Variants in NEK4 observed in about 807,000 individuals in gnomAD.
The protein encoded by NEK4 is NIMA related kinase 4.
NEK4 carries 86 observed loss-of-function variants against 98.4 expected under a neutral mutation model. The observed-to-expected ratio is 0.87, with a 90% CI of 0.73 to 1.05. NEK4 has a LOEUF of 1.05. NEK4 is among the 50% of genes least tolerant of loss of function. NEK4 has a pLI of 0.00. For synonymous variants in NEK4, 328 were observed against 342.2 expected, an observed-to-expected ratio of 0.96 and a Z score of 0.46; for missense variants, 898 against 950.3, an observed-to-expected ratio of 0.94 and a Z score of 0.72.
chr3:52,710,459 G>GTT lies in NEK4; in HGVS notation c.*1316_*1317dup, dbSNP rs1303257590. ...ATTTTCAAAGATAGATATATTTTTA[G>GTT]TTATAGAAACTGAAAACAGGGCTGG... On this transcript the variant is annotated 3_prime_UTR_variant, in exon 16 of 16. Coordinates refer to ENST00000233027, the MANE Select transcript of NEK4 (RefSeq NM_003157.6). 2.0e-5 allele frequency: 3 copies of GTT among 151,780 alleles called. No individual in the cohort carries two copies. Among genetic ancestry groups the GTT allele is most frequent in the African/African-American group, 7.3e-5 (3 of 41,312 alleles). The allele number at this position is 151,780 out of a possible 1,614,324, so 9.4% of individuals were successfully genotyped here.
At chr3:52,752,954 A>ACACACACACACACAC (rs1315107149) in intron 6 of NEK4, among the ~76,000 whole-genome samples, 3 of 137,300 alleles carry the variant, frequency 2.2e-5, no homozygotes, top group Non-Finnish European at 3.1e-5. Flanking sequence ...ACACACACAC[A>ACACACACACACACAC]ATGGAATATT....
intron 6 of NEK4, among the ~76,000 whole-genome samples, chr3:52,755,782 A>C (rs1308490972): frequency 2.0e-5 from 3 of 152,208 alleles, no homozygotes; most frequent in African/African-American, 7.2e-5. Context: ...TCTTGTGTCT[A>C]GGAAACCCTA....
At position 52,710,663 on chromosome 3, in the gene NEK4, C is replaced by T. The variant is rs965928186; in HGVS notation, c.*1114G>A. 6.6e-6 allele frequency: 1 copy of T among 151,702 alleles called. No homozygotes were observed. Among genetic ancestry groups the T allele is most frequent in the African/African-American group, 2.4e-5 (1 of 41,306 alleles). 9.4% of individuals were successfully genotyped at this position (151,702 alleles called of 1,614,324 possible). ...TGTGGTCTCAGCTACTAGGGAGGCT[C>T]AGGCAGGAATACCACTTGAGCCCCA... On this transcript the variant is annotated 3_prime_UTR_variant, in exon 16 of 16. Coordinates refer to ENST00000233027, the MANE Select transcript of NEK4 (RefSeq NM_003157.6).
intron 12 of NEK4, among the ~76,000 whole-genome samples, 177 bp from the exon 13 acceptor site, chr3:52,741,676 T>C (rs1025523832): frequency 1.3e-5 from 2 of 152,140 alleles, no homozygotes; most frequent in African/African-American, 4.8e-5. Flanking sequence ...GAAAAAAACA[T>C]TGAAGTGATT....
chr3:52,751,866 C>T (rs2154105205), intron 7 of NEK4, 66 bp downstream of exon 7: 1 of 1,423,856 alleles, frequency 7.0e-7, no homozygotes, highest in Non-Finnish European at 9.6e-7. Flanking sequence ...ACAGAACCCA[C>T]ATATTTGTAA....
chr3:52,760,755 T>G, intron 6 of NEK4, 40 bp downstream of exon 6: 1 of 1,479,842 alleles, frequency 6.8e-7, no homozygotes, highest in Non-Finnish European at 9.3e-7. Context: ...TTTTTCTAAG[T>G]GCAGTTTCTA....
intron 13 of NEK4, among the ~76,000 whole-genome samples, chr3:52,740,699 G>T (rs1044264983): frequency 6.6e-6 from 1 of 152,062 alleles, no homozygotes; most frequent in African/African-American, 2.4e-5. Context: ...GGCTGAGACA[G>T]GAGAATACCT....
At chr3:52,741,104 C>T (rs954126316) in intron 13 of NEK4, among the ~76,000 whole-genome samples, 5 of 151,904 alleles carry the variant, frequency 3.3e-5, no homozygotes, top group East Asian at 1.9e-4. Flanking sequence ...GGCATGGTGG[C>T]GGACGCCTGT....
Position 52,718,851 on chromosome 3 carries a change from G to C in NEK4, c.2434-6982C>G, listed in dbSNP as rs541489248. On this transcript the variant is annotated intron_variant, in intron 15 of 15. Coordinates refer to ENST00000233027, the MANE Select transcript of NEK4 (RefSeq NM_003157.6). ...TCACCGACCGTGACTTCCGCCTCCT[G>C]GGCTCAAGTGATTCTCCTGCCTCAG... Among the ~76,000 whole-genome samples the C allele has an allele frequency of 3.3e-5, 5 of 152,266 alleles. No homozygotes were observed. The East Asian group carries it at 9.7e-4, about 29-fold the overall frequency.
chr3:52,727,067 C>T (rs1342630489), intron 15 of NEK4, among the ~76,000 whole-genome samples: 3 of 151,134 alleles, frequency 2.0e-5, no homozygotes, highest in Non-Finnish European at 2.9e-5. Context: ...CTCTGCCTCC[C>T]GGGTTCAAGC....
Position 52,770,722 on chromosome 3 carries a change from G to A in NEK4, c.25C>T (p.Leu9=). MPLAAYCY[L]RVVGKGSYGE... ...TAGCTCCCCTTGCCCACGACCCGCA[G>A]GTAGCAGTAGGCGGCCAGGGGCATG... Residue 9 remains leucine, a synonymous_variant, in exon 1 of 16, where the codon CTG becomes TTG. Transcript: ENST00000233027. 2 of 1,574,976 alleles carry A rather than the reference G, an allele frequency of 1.3e-6. No homozygotes were observed. Among genetic ancestry groups the A allele is most frequent in the Non-Finnish European group, 1.7e-6 (2 of 1,161,418 alleles).
chr3:52,757,279 T>C (rs568774853), intron 6 of NEK4, among the ~76,000 whole-genome samples: 1 of 152,294 alleles, frequency 6.6e-6, no homozygotes, highest in African/African-American at 2.4e-5. Flanking sequence ...GGGTCTTAGC[T>C]GGGAGCAGAG....
chr3:52,753,147 C>T (rs759604889), intron 6 of NEK4, among the ~76,000 whole-genome samples: 125 of 151,792 alleles, frequency 8.2e-4, no homozygotes, highest in African/African-American at 2.9e-3. Flanking sequence ...ATAAAAAATA[C>T]CAAAAAATTA....
intron 15 of NEK4, 122 bp downstream of exon 15, chr3:52,737,464 A>G (rs2097378062): frequency 4.8e-6 from 5 of 1,046,762 alleles, no homozygotes; most frequent in African/African-American, 3.2e-5. Context: ...TTGTAAACAC[A>G]TTAAAAACCA....
chr3:52,746,889 C>T lies in NEK4; in HGVS notation c.1522G>A (p.Glu508Lys), dbSNP rs372629459. The T allele has an allele frequency of 8.1e-6, 13 of 1,612,904 alleles. No individual in the cohort carries two copies. The African/African-American group carries it at 1.5e-4, about 18-fold the overall frequency. Reference protein sequence around the residue: ...CHHAQDQVAGECIIEKQGRIH... With the variant: ...CHHAQDQVAGKCIIEKQGRIH... ...CTGCCCTGTTTTTCTATAATACATT[C>T]ACCAGCAACTTGATCCTTAAAAACA... Residue 508 changes from glutamate to lysine, a missense_variant, in exon 9 of 16, where the codon GAA (glutamate) becomes AAA (lysine). Transcript: ENST00000233027.
At chr3:52,737,361 G>A in intron 15 of NEK4, 1 of 449,792 alleles carries the variant, frequency 2.2e-6, no homozygotes, top group East Asian at 3.3e-5. Flanking sequence ...ATTTGGCAGT[G>A]CGGACCATGG....
chr3:52,761,130 A>G (rs1698339796), intron 5 of NEK4, among the ~76,000 whole-genome samples, 194 bp from the exon 6 acceptor site: 1 of 152,204 alleles, frequency 6.6e-6, no homozygotes, highest in Admixed American at 6.5e-5. Flanking sequence ...CAAGGTCATA[A>G]AAAATAAACA....
At position 52,770,846 on chromosome 3, in the gene NEK4, G is replaced by A. The variant is rs556205181; in HGVS notation, c.-100C>T. 2,537 of 1,093,758 alleles carry A rather than the reference G, an allele frequency of 2.3e-3. 45 individuals are homozygous for A. The African/African-American group carries it at 0.036, about 15-fold the overall frequency. The allele number at this position is 1,093,758 out of a possible 1,614,324, so 67.8% of individuals were successfully genotyped here. Reference sequence around the variant, plus strand: ...GTTCATGCCCGAGAGGGGGCAGTGGGGGCGGCTGTTGAGGCAGCCGGGCCC... The same window carrying A: ...GTTCATGCCCGAGAGGGGGCAGTGGAGGCGGCTGTTGAGGCAGCCGGGCCC... On this transcript the variant is annotated 5_prime_UTR_variant, in exon 1 of 16. Coordinates refer to ENST00000233027, the MANE Select transcript of NEK4 (RefSeq NM_003157.6).
chr3:52,770,920 A>C lies in NEK4; in HGVS notation c.-174T>G. The C allele has an allele frequency of 3.3e-6, 2 of 613,478 alleles. No individual in the cohort carries two copies. Among genetic ancestry groups the C allele is most frequent in the South Asian group, 1.9e-5 (1 of 51,290 alleles). 38.0% of individuals were successfully genotyped at this position (613,478 alleles called of 1,614,324 possible). Reference sequence around the variant, plus strand: ...CCGCGACGACGCCGCTGCCATAGCGATCCGGGCCGGGAGCAGTTCTGCGCA... The same window carrying C: ...CCGCGACGACGCCGCTGCCATAGCGCTCCGGGCCGGGAGCAGTTCTGCGCA... On this transcript the variant is annotated 5_prime_UTR_variant, in exon 1 of 16. Transcript: ENST00000233027.
Sources: allele counts gnomAD v4.1 joint callset (sites outside exome capture counted in the v4.1 genomes callset), GRCh38; gene constraint gnomAD v4.1.1; transcripts MANE v1.5; gene names NCBI Gene and HGNC (gene_info 2026-07-23, HGNC 2026-07-21).